Variants in SLC17A1 observed in about 807,000 individuals in gnomAD.
SLC17A1 encodes sodium-dependent phosphate transport protein 1.
SLC17A1 carries 51 observed loss-of-function variants against 53.5 expected under a neutral mutation model. That is an observed-to-expected ratio of 0.95 (90% CI 0.76 to 1.20). The LOEUF is 1.20. Among genes scored for constraint, SLC17A1 ranks in the 50% most tolerant of loss-of-function variants. The probability of loss-of-function intolerance (pLI) is 0.00; values close to 1 mark genes in which losing one functional copy is unlikely to be tolerated. For missense variants in SLC17A1, 538 were observed against 568.2 expected, an observed-to-expected ratio of 0.95 and a Z score of 0.54; for synonymous variants, 179 against 198.8, an observed-to-expected ratio of 0.90 and a Z score of 0.84.
At chr6:25,809,483 C>CCA (rs923285080) in intron 10 of SLC17A1, among the ~76,000 whole-genome samples, 59 of 151,438 alleles carry the variant, frequency 3.9e-4, no homozygotes, top group African/African-American at 1.3e-3. Flanking sequence ...AGTGAACTAT[C>CCA]CACACACACA....
At chr6:25,746,141 C>T in the SLC17A1 span, among the ~76,000 whole-genome samples, 2 of 152,172 alleles carry the variant, frequency 1.3e-5, no homozygotes, top group Non-Finnish European at 2.9e-5. Flanking sequence ...TGCATCATGT[C>T]TTATCTATAT....
chr6:25,763,804 G>A, the SLC17A1 span, among the ~76,000 whole-genome samples: 1 of 152,190 alleles, frequency 6.6e-6, no homozygotes, highest in South Asian at 2.1e-4. Flanking sequence ...TCTGGGGCCA[G>A]GCTGTAGACA....
the SLC17A1 span, among the ~76,000 whole-genome samples, chr6:25,762,323 T>C: frequency 6.6e-6 from 1 of 152,156 alleles, no homozygotes; most frequent in African/African-American, 2.4e-5. Flanking sequence ...AGGTTCTAAG[T>C]AGGAAATATA....
intron 12 of SLC17A1, among the ~76,000 whole-genome samples, chr6:25,784,078 C>T (rs1288892523): frequency 2.0e-5 from 3 of 152,120 alleles, no homozygotes; most frequent in African/African-American, 7.2e-5. Context: ...AAAATTTTTT[C>T]TTCCTTTTTG....
In SLC17A1 at chr6:25,811,414, A is replaced by T; in HGVS notation, c.1162T>A (p.Leu388Met). 1 of 1,612,932 alleles carries T rather than the reference A, an allele frequency of 6.2e-7. No homozygotes were observed. The highest frequency in any genetic ancestry group is 1.3e-5 in the African/African-American group (1 of 75,024). Residue 388 changes from leucine to methionine, a missense_variant, in exon 10 of 13, where the codon TTG (leucine) becomes ATG (methionine). By Grantham distance (15) the Leu-to-Met change is conservative. Coordinates refer to ENST00000244527, the MANE Select transcript of SLC17A1 (RefSeq NM_005074.5). The part of the protein sequence containing the change: ...FCLGGVFING[L>M]DIAPRYFGFI... ...AAATCCTACCTGGGAGCAATATCCA[A>T]GCCATTTATAAACACTCCACCCAAG... is the stretch of plus-strand genomic sequence containing the variant.
intron 10 of SLC17A1, among the ~76,000 whole-genome samples, chr6:25,809,826 T>G (rs1764089978): frequency 6.6e-6 from 1 of 151,908 alleles, no homozygotes; most frequent in Non-Finnish European, 1.5e-5. Context: ...TAAACCAAAA[T>G]AACAAAACTG....
chr6:25,729,865 C>G, the SLC17A1 span, among the ~76,000 whole-genome samples: 1 of 152,064 alleles, frequency 6.6e-6, no homozygotes, highest in South Asian at 2.1e-4. Flanking sequence ...CAAAAAGCTC[C>G]AACATTCAAA....
At chr6:25,741,262 T>G in the SLC17A1 span, among the ~76,000 whole-genome samples, 7 of 152,088 alleles carry the variant, frequency 4.6e-5, no homozygotes, top group Non-Finnish European at 8.8e-5. Flanking sequence ...TATCAAAATA[T>G]CACATTGTTA....
At chr6:25,788,359 G>A (rs1238842202) in intron 12 of SLC17A1, among the ~76,000 whole-genome samples, 1 of 152,164 alleles carries the variant, frequency 6.6e-6, no homozygotes, top group African/African-American at 2.4e-5. Context: ...GACAGCTGGG[G>A]GAAAGCTCTG....
chr6:25,773,287 G>C, the SLC17A1 span: 2 of 1,613,760 alleles, frequency 1.2e-6, no homozygotes, highest in Non-Finnish European at 1.7e-6. Context: ...GGAATTGGCT[G>C]TGCTTGTTGT....
chr6:25,726,513 C>T, the SLC17A1 span: 4 of 1,610,324 alleles, frequency 2.5e-6, no homozygotes, highest in Admixed American at 3.3e-5. Flanking sequence ...CTCCCTGCTT[C>T]CCTCGTCCAG....
chr6:25,826,392 A>G, intron 3 of SLC17A1, 69 bp downstream of exon 3: 8 of 1,302,170 alleles, frequency 6.1e-6, no homozygotes, highest in Non-Finnish European at 8.5e-6. Context: ...GTACAATTCC[A>G]TATCTACACA....
At chr6:25,808,587 G>GA (rs1325482039) in intron 10 of SLC17A1, among the ~76,000 whole-genome samples, 2 of 151,596 alleles carry the variant, frequency 1.3e-5, no homozygotes, top group South Asian at 2.1e-4. Flanking sequence ...TAAAAAAGTG[G>GA]AAAAAAGACA....
At chr6:25,806,736 CAGAT>C (rs1763967987) in intron 10 of SLC17A1, among the ~76,000 whole-genome samples, 1 of 152,112 alleles carries the variant, frequency 6.6e-6, no homozygotes, top group East Asian at 1.9e-4. Flanking sequence ...TCAGAGTAAA[CAGAT>C]AACCCACAGA....
the SLC17A1 span, among the ~76,000 whole-genome samples, chr6:25,730,243 GAT>G: frequency 3.3e-5 from 5 of 152,152 alleles, no homozygotes; most frequent in African/African-American, 1.2e-4. Context: ...CAATAGACAA[GAT>G]ATAGAAAGAA....
downstream of SLC17A1, among the ~76,000 whole-genome samples, chr6:25,781,846 A>G (rs1029336909): frequency 2.6e-5 from 4 of 152,212 alleles, no homozygotes; most frequent in East Asian, 5.8e-4. Flanking sequence ...TCAAATTTCA[A>G]TATTAGATTT....
chr6:25,756,785 A>T, the SLC17A1 span, among the ~76,000 whole-genome samples: 3 of 152,196 alleles, frequency 2.0e-5, no homozygotes, highest in Admixed American at 1.3e-4. Flanking sequence ...TTGATTCAAT[A>T]AATATTTACT....
intron 12 of SLC17A1, among the ~76,000 whole-genome samples, chr6:25,790,308 C>T (rs1030088132): frequency 2.0e-5 from 3 of 152,088 alleles, no homozygotes; most frequent in African/African-American, 4.8e-5. Flanking sequence ...ATTTATGTTC[C>T]GTCCACAACA....
chr6:25,768,023 GTA>G, the SLC17A1 span, among the ~76,000 whole-genome samples: 1 of 152,126 alleles, frequency 6.6e-6, no homozygotes, highest in Non-Finnish European at 1.5e-5. Context: ...TGGTACATGG[GTA>G]GGTATCTCTT....
Sources: gnomAD v4.1 joint callset for allele counts (sites outside exome capture counted in the v4.1 genomes callset) on GRCh38, gnomAD v4.1.1 for gene constraint, MANE v1.5 for transcripts, NCBI Gene and HGNC (gene_info 2026-07-23, HGNC 2026-07-21) for gene names.